RFC3: variants seen among roughly 807,000 people sequenced by gnomAD.
RFC3 encodes the protein A1 38 kDa subunit.
A neutral mutation model predicts 45.1 loss-of-function variants in RFC3; 41 were observed. The observed-to-expected ratio is 0.91, with a 90% CI of 0.71 to 1.18. The LOEUF (loss-of-function observed/expected upper bound fraction) is 1.18, where lower values mean the gene tolerates loss of function less well. Among genes scored for constraint, RFC3 ranks in the 50% most tolerant of loss-of-function variants. RFC3 has a pLI of 0.00. For missense variants in RFC3, 423 were observed against 428.1 expected (o/e 0.99, Z 0.10); for synonymous variants, 149 against 144.0 (o/e 1.03, Z -0.25).
intron 8 of RFC3, among the ~76,000 whole-genome samples, chr13:33,897,748 A>G (rs1007038377): frequency 4.6e-5 from 7 of 152,078 alleles, no homozygotes; most frequent in African/African-American, 1.7e-4. Flanking sequence ...CTGGAAACCA[A>G]AAAAAGGCAG....
chr13:33,836,866 G>C lies in RFC3; in HGVS notation c.*571G>C. 3.0e-6 allele frequency: 3 copies of C among 983,882 alleles called. No homozygotes were observed. Among genetic ancestry groups the C allele is most frequent in the Non-Finnish European group, 3.6e-6 (3 of 828,654 alleles). The allele number at this position is 983,882 out of a possible 1,614,324, so 60.9% of individuals were successfully genotyped here. A position where few individuals can be genotyped will look rare whatever the true frequency, so the allele number is the denominator to read the frequency against. On this transcript the variant is annotated 3_prime_UTR_variant, in exon 9 of 9. Transcript: ENST00000380071. ...AGTGGTTCAGATTAGTATTAGGTCG[G>C]TACTAAGAAATAAGCATGTTTTCAC... is the stretch of plus-strand genomic sequence containing the variant.
chr13:33,827,123 T>G (rs978114183), intron 4 of RFC3, among the ~76,000 whole-genome samples: 2 of 152,168 alleles, frequency 1.3e-5, no homozygotes, highest in Non-Finnish European at 2.9e-5. Context: ...ATTACTGGAT[T>G]TTCTAATATT....
chr13:33,953,075 A>G (rs549955067), intron 8 of RFC3, among the ~76,000 whole-genome samples: 9 of 152,336 alleles, frequency 5.9e-5, no homozygotes, highest in Admixed American at 3.9e-4. Flanking sequence ...CATTGAAAAG[A>G]AAAAGTTTAG....
rs2139424938 is a variant in RFC3, at chr13:33,835,206, A to G, written c.868A>G (p.Ile290Val). ...TCTAACTCATTGTATTCCTCCTGAGATAATAATGAAGGTAACCCAATTTCA... is the reference window on the plus strand; with the variant it reads ...TCTAACTCATTGTATTCCTCCTGAGGTAATAATGAAGGTAACCCAATTTCA... ...ELLTHCIPPE[I>V]IMKGLLSELL... The change falls in exon 8 of 9, where the codon ATA becomes GTA. Residue 290 changes from isoleucine (I) to valine (V), a missense_variant. Transcript: ENST00000380071. 1 of 1,608,070 alleles carries G rather than the reference A, an allele frequency of 6.2e-7. No individual in the cohort carries two copies.
intron 8 of RFC3, among the ~76,000 whole-genome samples, chr13:33,886,015 C>G (rs745539110): frequency 6.7e-6 from 1 of 149,122 alleles, no homozygotes; most frequent in African/African-American, 2.4e-5. Context: ...GACTTTTTCT[C>G]CCTTAAAAAA....
intron 8 of RFC3, among the ~76,000 whole-genome samples, chr13:33,903,684 C>T (rs1246013487): frequency 1.3e-5 from 2 of 151,994 alleles, no homozygotes; most frequent in Non-Finnish European, 2.9e-5. Flanking sequence ...TTAGCCCAGA[C>T]CTTTCCTGCA....
intron 8 of RFC3, among the ~76,000 whole-genome samples, chr13:33,948,429 G>C (rs547874943): frequency 7.9e-5 from 12 of 152,364 alleles, no homozygotes; most frequent in African/African-American, 2.6e-4. Context: ...AAACTTCATG[G>C]AGAACCTCCA....
chr13:33,900,784 A>G (rs1247311659), intron 8 of RFC3, among the ~76,000 whole-genome samples: 1 of 151,834 alleles, frequency 6.6e-6, no homozygotes, highest in Non-Finnish European at 1.5e-5. Flanking sequence ...TATACATCTG[A>G]CAAGGTATTA....
At chr13:33,946,778 T>C (rs1044778428) in intron 8 of RFC3, among the ~76,000 whole-genome samples, 2 of 152,242 alleles carry the variant, frequency 1.3e-5, no homozygotes, top group Non-Finnish European at 2.9e-5. Context: ...ATAGATATTA[T>C]GGATATTATT....
At chr13:33,975,099 A>T in the RFC3 span, among the ~76,000 whole-genome samples, 5 of 152,236 alleles carry the variant, frequency 3.3e-5, no homozygotes, top group Admixed American at 2.0e-4. Flanking sequence ...AAATGATTAT[A>T]GCAACTTCAT....
chr13:33,887,947 A>G (rs900646935), intron 8 of RFC3, among the ~76,000 whole-genome samples: 10 of 152,132 alleles, frequency 6.6e-5, no homozygotes, highest in Non-Finnish European at 1.5e-4. Flanking sequence ...GTAGATACGC[A>G]GCATTATTTC....
At chr13:33,819,244 T>A (rs1257540992) in intron 1 of RFC3, among the ~76,000 whole-genome samples, 2 of 152,154 alleles carry the variant, frequency 1.3e-5, no homozygotes, top group African/African-American at 4.8e-5. Flanking sequence ...TGCCTCTTTG[T>A]CTGTTGTAGT....
chr13:33,873,091 A>G (rs943838935), intron 8 of RFC3, among the ~76,000 whole-genome samples: 3 of 152,142 alleles, frequency 2.0e-5, no homozygotes, highest in African/African-American at 4.8e-5. Flanking sequence ...GAATGTTTCA[A>G]ATATTAGCAA....
chr13:33,895,456 T>G (rs1257298751), intron 8 of RFC3, among the ~76,000 whole-genome samples: 1 of 152,124 alleles, frequency 6.6e-6, no homozygotes, highest in Admixed American at 6.5e-5. Flanking sequence ...TTACTCCAGC[T>G]AGAATGGCCA....
chr13:33,965,854 G>A (rs7321993), intron 8 of RFC3, among the ~76,000 whole-genome samples: 145,030 of 152,250 alleles, frequency 0.95, 69,438 homozygotes, highest in East Asian at 1. Context: ...TATGCCCTCA[G>A]CTTGACCCAT....
chr13:33,932,388 A>G (rs2082858288), intron 8 of RFC3, among the ~76,000 whole-genome samples: 1 of 152,140 alleles, frequency 6.6e-6, no homozygotes, highest in Non-Finnish European at 1.5e-5. Context: ...GTCTTGCAGT[A>G]TATTTTGGGA....
At chr13:33,865,923 G>T (rs1281580560) in intron 8 of RFC3, among the ~76,000 whole-genome samples, 2 of 152,140 alleles carry the variant, frequency 1.3e-5, no homozygotes, top group Admixed American at 1.3e-4. Context: ...GCTGGGCGTG[G>T]TGGCTCATGC....
chr13:33,881,283 T>G (rs756065762), intron 8 of RFC3, among the ~76,000 whole-genome samples: 34 of 152,200 alleles, frequency 2.2e-4, no homozygotes, highest in Non-Finnish European at 4.3e-4. Context: ...AGGGGCTAAA[T>G]AAGAGTCAAT....
downstream of RFC3, among the ~76,000 whole-genome samples, chr13:33,966,853 T>A (rs1192662526): frequency 6.6e-6 from 1 of 151,914 alleles, no homozygotes; most frequent in African/African-American, 2.4e-5. Flanking sequence ...TCCAGGAAAA[T>A]TTCATAGAAA....
Sources: gnomAD v4.1 joint callset for allele counts (sites outside exome capture counted in the v4.1 genomes callset) on GRCh38, gnomAD v4.1.1 for gene constraint, MANE v1.5 for transcripts, NCBI Gene and HGNC (gene_info 2026-07-23, HGNC 2026-07-21) for gene names.